Variants in CFAP54 observed in about 807,000 individuals in gnomAD.
CFAP54 encodes the protein cilia- and flagella-associated protein 54.
In CFAP54, 290 loss-of-function variants were observed where a neutral mutation model predicts 370.4. The ratio of observed to expected loss-of-function variants is 0.78; its 90% confidence interval spans 0.71 to 0.86. The LOEUF (loss-of-function observed/expected upper bound fraction) is 0.86, where lower values mean the gene tolerates loss of function less well. Among genes scored for constraint, CFAP54 ranks in the 40% least tolerant of loss-of-function variants. The pLI is 0.00. For synonymous variants in CFAP54, 1,206 were observed against 1,236.5 expected (o/e 0.98, Z 0.52); for missense variants, 3,399 against 3,528.7 (o/e 0.96, Z 0.93).
chr12:96,742,578 T>C lies in CFAP54; in HGVS notation c.7211T>C (p.Ile2404Thr). The change falls in exon 52 of 68, where the codon ATT becomes ACT. Residue 2404 changes from isoleucine (I) to threonine (T), a missense_variant. Transcript: ENST00000524981. The part of the protein sequence containing the change: ...AFVAQIHGIG[I>T]VKEDDMTDCL... ...GTTGCACAGATTCATGGCATTGGAA[T>C]TGTGAAAGGTACAAACATTTGCTTA... 6.2e-7 allele frequency: 1 copy of C among 1,611,900 alleles called. No homozygotes were observed. The highest frequency in any genetic ancestry group is 8.5e-7 in the Non-Finnish European group (1 of 1,179,074).
rs1318507156 is a variant in CFAP54, at chr12:96,518,987, A to G, written c.858A>G (p.Ser286=). The G allele has an allele frequency of 2.0e-6, 3 of 1,535,730 alleles. No individual in the cohort carries two copies. The highest frequency in any genetic ancestry group is 1.7e-6 in the Non-Finnish European group (2 of 1,146,836). The change falls in exon 6 of 68, where the codon TCA becomes TCG. Residue 286 remains serine, a synonymous_variant. Transcript: ENST00000524981. ...TGGAGTCCTTGGTCCCGCTCCTGTC[A>G]CTCAGGTACTTGACATGGCGCGCTA... The part of the protein sequence containing the change: ...MCMESLVPLL[S]LRYLTWRATL...
chr12:96,799,862 C>CA (rs886176777), intron 63 of CFAP54, among the ~76,000 whole-genome samples: 10 of 151,928 alleles, frequency 6.6e-5, no homozygotes, highest in African/African-American at 1.9e-4. Flanking sequence ...AAATGAAACA[C>CA]AAAAAACACT....
At chr12:96,519,273 A>G (rs2136366648) in intron 6 of CFAP54, among the ~76,000 whole-genome samples, 1 of 151,938 alleles carries the variant, frequency 6.6e-6, no homozygotes, top group Middle Eastern at 3.4e-3. Context: ...TAATTTTTGT[A>G]TTTTTAGTAG....
intron 32 of CFAP54, among the ~76,000 whole-genome samples, chr12:96,641,319 A>G (rs893239168): frequency 6.8e-4 from 103 of 152,378 alleles, no homozygotes; most frequent in African/African-American, 2.4e-3. Context: ...CAAAAGACAC[A>G]TGAAAAAATG....
At chr12:96,513,657 C>T (rs1439196975) in intron 5 of CFAP54, among the ~76,000 whole-genome samples, 1 of 152,100 alleles carries the variant, frequency 6.6e-6, no homozygotes. Flanking sequence ...GGGAAGATTG[C>T]TTGAGCCTGG....
chr12:96,620,598 T>C (rs1003904395), intron 26 of CFAP54, among the ~76,000 whole-genome samples: 2 of 152,254 alleles, frequency 1.3e-5, no homozygotes, highest in Non-Finnish European at 2.9e-5. Context: ...AATACACTTG[T>C]CTTAAATACT....
intron 50 of CFAP54, among the ~76,000 whole-genome samples, chr12:96,728,219 GGCCT>G (rs1254097633): frequency 2.0e-5 from 3 of 151,832 alleles, no homozygotes; most frequent in African/African-American, 7.3e-5. Flanking sequence ...TCTGAATGTT[GGCCT>G]GCCTTGCTAG....
intron 26 of CFAP54, among the ~76,000 whole-genome samples, chr12:96,620,065 C>G (rs1035857021): frequency 1.3e-5 from 2 of 152,222 alleles, no homozygotes; most frequent in Non-Finnish European, 2.9e-5. Flanking sequence ...TTCCCACACT[C>G]TGTTCCACAG....
Position 96,638,116 on chromosome 12 carries a change from C to T in CFAP54, c.4317-6062C>T, listed in dbSNP as rs149784460. Among the ~76,000 whole-genome samples, 710 of 151,588 alleles carry T rather than the reference C, an allele frequency of 4.7e-3. 4 individuals are homozygous for T. Among genetic ancestry groups the T allele is most frequent in the African/African-American group, 0.016 (673 of 41,280 alleles). On this transcript the variant is annotated intron_variant, in intron 32 of 67. Coordinates refer to ENST00000524981, the MANE Select transcript of CFAP54 (RefSeq NM_001306084.2). ...AAAAACAAAGAACTTGCTGGAAGTA[C>T]AGTTGGGATTGCTTTGAATCCAGAA...
At chr12:96,658,395 G>A (rs755418695) in intron 38 of CFAP54, 49 bp downstream of exon 38, 1 of 1,581,510 alleles carries the variant, frequency 6.3e-7, no homozygotes, top group Non-Finnish European at 8.7e-7. Context: ...TTTCTAATTA[G>A]TCCACATATA....
At chr12:96,730,290 C>G (rs951567275) in intron 50 of CFAP54, among the ~76,000 whole-genome samples, 3 of 152,178 alleles carry the variant, frequency 2.0e-5, no homozygotes, top group African/African-American at 7.2e-5. Context: ...TGAACAGTCT[C>G]ATAGAGGTTA....
At chr12:96,783,475 A>G (rs1324025089) in intron 60 of CFAP54, among the ~76,000 whole-genome samples, 1 of 152,240 alleles carries the variant, frequency 6.6e-6, no homozygotes, top group Non-Finnish European at 1.5e-5. Flanking sequence ...AGAAATAATC[A>G]TATTGTTTTC....
rs1957385225 is a variant in CFAP54 at position 96,691,272 on chromosome 12, A to G, written c.6226A>G (p.Ile2076Val). Reference protein sequence around the residue: ...ICSVIASLYYIIRELHFVRQN... With the variant: ...ICSVIASLYYVIRELHFVRQN... The stretch of plus-strand genomic sequence containing the variant: ...CTCTGTAATTGCAAGTCTGTATTAC[A>G]TTATACGTGAACTGCACTTTGTTAG... Residue 2076 changes from isoleucine (I) to valine (V), a missense_variant, in exon 44 of 68, where the codon ATT becomes GTT. By Grantham distance (29) the Ile-to-Val change is conservative. Transcript: ENST00000524981. 2 of 1,607,118 alleles carry G rather than the reference A, an allele frequency of 1.2e-6. No individual in the cohort carries two copies. Among genetic ancestry groups the G allele is most frequent in the African/African-American group, 1.3e-5 (1 of 74,730 alleles).
chr12:96,655,559 T>C (rs776541206), intron 36 of CFAP54, among the ~76,000 whole-genome samples: 2 of 152,228 alleles, frequency 1.3e-5, no homozygotes, highest in East Asian at 1.9e-4. Flanking sequence ...CTTACATTTA[T>C]CCCACAATTT....
chr12:96,763,302 T>C (rs1958359310), intron 58 of CFAP54, among the ~76,000 whole-genome samples: 1 of 152,094 alleles, frequency 6.6e-6, no homozygotes, highest in South Asian at 2.1e-4. Context: ...TCAATCATTG[T>C]TTGTTTGTTT....
intron 48 of CFAP54, among the ~76,000 whole-genome samples, chr12:96,716,738 C>T (rs1403952071): frequency 1.3e-5 from 2 of 152,158 alleles, no homozygotes; most frequent in Non-Finnish European, 2.9e-5. Flanking sequence ...TAGGGTGGCA[C>T]ATGAGCCCTT....
chr12:96,764,932 AT>A, intron 59 of CFAP54, 144 bp from the exon 60 acceptor site: 1 of 536,886 alleles, frequency 1.9e-6, no homozygotes. Flanking sequence ...ATCACATATT[AT>A]TTTTTCAGGT....
intron 26 of CFAP54, among the ~76,000 whole-genome samples, chr12:96,601,829 T>G (rs1436754689): frequency 7.9e-5 from 12 of 152,208 alleles, no homozygotes. Context: ...TTATTGCATC[T>G]ATTTGATTCT....
Position 96,644,373 on chromosome 12 carries a change from G to C in CFAP54, c.4512G>C (p.Thr1504=), listed in dbSNP as rs1388333347. 3.9e-6 allele frequency: 6 copies of C among 1,535,856 alleles called. No homozygotes were observed. The East Asian group carries it at 1.5e-4, about 38-fold the overall frequency. Residue 1504 remains threonine, a synonymous_variant, in exon 33 of 68, where the codon ACG becomes ACC. Coordinates refer to ENST00000524981, the MANE Select transcript of CFAP54 (RefSeq NM_001306084.2). ...TTTTACAAAAGCTATGGGAGTGTAC[G>C]AAGATGAAATTTGGCACATCACATA... ...NLVLQKLWEC[T]KMKFGTSHMM... is the part of the protein sequence containing the mutation.
Sources: allele counts gnomAD v4.1 joint callset (sites outside exome capture counted in the v4.1 genomes callset), GRCh38; gene constraint gnomAD v4.1.1; transcripts MANE v1.5; gene names NCBI Gene and HGNC (gene_info 2026-07-23, HGNC 2026-07-21).